CREB3L4: variants seen among roughly 807,000 people sequenced by gnomAD.
The protein encoded by CREB3L4 is cAMP responsive element binding protein 3 like 4, also known as cyclic AMP-responsive element-binding protein 3-like protein 4.
In CREB3L4, 28 loss-of-function variants were observed where a neutral mutation model predicts 37.0. The observed-to-expected ratio is 0.76, with a 90% CI of 0.56 to 1.04. The LOEUF (loss-of-function observed/expected upper bound fraction) is 1.04, where lower values mean the gene tolerates loss of function less well. CREB3L4 is among the 50% of genes least tolerant of loss of function. The pLI is 0.00. For synonymous variants in CREB3L4, 175 were observed against 192.2 expected, an observed-to-expected ratio of 0.91 and a Z score of 0.74; for missense variants, 462 against 486.0, an observed-to-expected ratio of 0.95 and a Z score of 0.46.
chr1:153,970,739 CTTTTTTT>C (rs35553007), intron 4 of CREB3L4, among the ~76,000 whole-genome samples: 2 of 87,152 alleles, frequency 2.3e-5, no homozygotes, highest in African/African-American at 4.5e-5. Flanking sequence ...ATCTTAGAAT[CTTTTTTT>C]TTTTTTTTTT....
intron 4 of CREB3L4, among the ~76,000 whole-genome samples, chr1:153,971,820 C>G (rs1648404664): frequency 1.3e-5 from 2 of 151,956 alleles, no homozygotes; most frequent in African/African-American, 4.8e-5. Flanking sequence ...CAAAATGAAG[C>G]ATACATCTTT....
At chr1:153,972,104 T>C (rs370738279) in intron 4 of CREB3L4, among the ~76,000 whole-genome samples, 5 of 152,330 alleles carry the variant, frequency 3.3e-5, no homozygotes, top group African/African-American at 9.6e-5. Context: ...ATTACAGGTG[T>C]GAGCCACTGT....
chr1:153,972,738 C>T lies in CREB3L4; in HGVS notation c.544-6C>T. The stretch of plus-strand genomic sequence containing the variant: ...CTATTGCATCTTCTCCTGCCCCTAC[C>T]CCCAGCTGCCCTGTCAAACCCTGTT... On this transcript the variant is annotated splice_region_variant and splice_polypyrimidine_tract_variant and intron_variant, in intron 4 of 9. Coordinates refer to ENST00000368607, the MANE Select transcript of CREB3L4 (RefSeq NM_001255978.2). 2 of 1,612,508 alleles carry T rather than the reference C, an allele frequency of 1.2e-6. No homozygotes were observed. Among genetic ancestry groups the T allele is most frequent in the Non-Finnish European group, 8.5e-7 (1 of 1,179,284 alleles).
intron 4 of CREB3L4, among the ~76,000 whole-genome samples, chr1:153,970,783 T>C (rs1648292898): frequency 7.0e-6 from 1 of 143,744 alleles, no homozygotes; most frequent in Non-Finnish European, 1.5e-5. Flanking sequence ...TCTCGCTCTG[T>C]CACCAGACTG....
chr1:153,973,956 C>G lies in CREB3L4; in HGVS notation c.1079C>G (p.Pro360Arg). 1 of 1,614,168 alleles carries G rather than the reference C, an allele frequency of 6.2e-7. No individual in the cohort carries two copies. Among genetic ancestry groups the G allele is most frequent in the Non-Finnish European group, 8.5e-7 (1 of 1,180,020 alleles). Reference protein sequence around the residue: ...QVVESRLREPPGAKDANGSTR... With the variant: ...QVVESRLREPRGAKDANGSTR... ...GTAGAGTCCAGACTGAGGGAGCCAC[C>G]TGGAGCCAAGGATGCAAATGGCTCA... is the stretch of plus-strand genomic sequence containing the variant. Residue 360 changes from proline to arginine, a missense_variant, in exon 10 of 10, where the codon CCT (proline) becomes CGT (arginine). Coordinates refer to ENST00000368607, the MANE Select transcript of CREB3L4 (RefSeq NM_001255978.2).
chr1:153,973,276 ATT>A lies in CREB3L4; in HGVS notation c.812+14_812+15del. 5.0e-6 allele frequency: 8 copies of A among 1,613,900 alleles called. No homozygotes were observed. Among genetic ancestry groups the A allele is most frequent in the Non-Finnish European group, 6.8e-6 (8 of 1,179,814 alleles). On this transcript the variant is annotated intron_variant, in intron 7 of 9. Transcript: ENST00000368607. ...AGAGGCACAACATGTGAGTGAAAGC[ATT>A]GTGTGTGTATGTGTGTTTTGAAGGC... is the stretch of plus-strand genomic sequence containing the variant.
At chr1:153,969,926 ATTTTTTTT>A (rs982207975) in intron 4 of CREB3L4, among the ~76,000 whole-genome samples, 1 of 117,884 alleles carries the variant, frequency 8.5e-6, no homozygotes, top group Non-Finnish European at 1.7e-5. Context: ...AACATGAACA[ATTTTTTTT>A]TTTTTTTTTT....
chr1:153,974,134 C>T lies in CREB3L4; in HGVS notation c.*69C>T. 6.8e-7 allele frequency: 1 copy of T among 1,467,138 alleles called. No homozygotes were observed. 90.9% of individuals were successfully genotyped at this position (1,467,138 alleles called of 1,614,324 possible). On this transcript the variant is annotated 3_prime_UTR_variant, in exon 10 of 10. Coordinates refer to ENST00000368607, the MANE Select transcript of CREB3L4 (RefSeq NM_001255978.2). ...CCTGGGCTTCCTTATGGCTTTGCTT[C>T]CCACTGGGATTCCTACTTAGGTGTC... is the stretch of plus-strand genomic sequence containing the variant.
rs1262635092 is a variant in CREB3L4 at position 153,968,510 on chromosome 1, GC to G, written c.-4-10del. 1 of 1,609,398 alleles carries G rather than the reference GC, an allele frequency of 6.2e-7. No individual in the cohort carries two copies. The highest frequency in any genetic ancestry group is 8.5e-7 in the Non-Finnish European group (1 of 1,177,072). On this transcript the variant is annotated splice_polypyrimidine_tract_variant and intron_variant, in intron 1 of 9. Coordinates refer to ENST00000368607, the MANE Select transcript of CREB3L4 (RefSeq NM_001255978.2). ...GTTTCTGCAACCCTCCGTCCCACACGCCTTCCTGCAGAAGCATGGATCTCGG... is the reference window on the plus strand; with the variant it reads ...GTTTCTGCAACCCTCCGTCCCACACGCTTCCTGCAGAAGCATGGATCTCGG...
chr1:153,972,770 C>T lies in CREB3L4; in HGVS notation c.570C>T (p.Thr190=), dbSNP rs369050294. 5.0e-5 allele frequency: 81 copies of T among 1,613,788 alleles called. No individual in the cohort carries two copies. The highest frequency in any genetic ancestry group is 1.1e-4 in the South Asian group (10 of 91,054). ...TGCCCTGTCAAACCCTGTTCCTGACCGATGAGGAGAAGCGTCTGCTGGGGC... is the reference window on the plus strand; with the variant it reads ...TGCCCTGTCAAACCCTGTTCCTGACTGATGAGGAGAAGCGTCTGCTGGGGC... ...TLLPCQTLFL[T]DEEKRLLGQE... Residue 190 remains threonine (T), a synonymous_variant, in exon 5 of 10, where the codon ACC becomes ACT. Transcript: ENST00000368607.
Position 153,968,909 on chromosome 1 carries a change from TATA to T in CREB3L4, c.175-19_175-17del. On this transcript the variant is annotated intron_variant, in intron 2 of 9. Coordinates refer to ENST00000368607, the MANE Select transcript of CREB3L4 (RefSeq NM_001255978.2). ...TCCAAAATTCTTCCCTGCACATATA[TATA>T]ACCTTTTCCTACTGTAGGGCCTTCA... is the stretch of plus-strand genomic sequence containing the variant. 1 of 1,588,986 alleles carries T rather than the reference TATA, an allele frequency of 6.3e-7. No individual in the cohort carries two copies. Among genetic ancestry groups the T allele is most frequent in the Non-Finnish European group, 8.6e-7 (1 of 1,167,774 alleles).
intron 4 of CREB3L4, 52 bp downstream of exon 4, chr1:153,969,507 CACAG>C: frequency 6.3e-7 from 1 of 1,596,436 alleles, no homozygotes; most frequent in Non-Finnish European, 8.6e-7. Context: ...TATATAATCA[CACAG>C]ACAGAGCAAA....
chr1:153,971,653 T>C (rs1648393896), intron 4 of CREB3L4, among the ~76,000 whole-genome samples: 1 of 151,074 alleles, frequency 6.6e-6, no homozygotes, highest in Admixed American at 6.6e-5. Flanking sequence ...TTCAGTGATT[T>C]TGATTAGGTG....
intron 5 of CREB3L4, 51 bp from the exon 6 acceptor site, chr1:153,972,921 G>T (rs748566023): frequency 1.2e-6 from 2 of 1,601,542 alleles, no homozygotes; most frequent in Non-Finnish European, 8.6e-7. Flanking sequence ...AAGCATTGGG[G>T]AGTTGGGGGC....
chr1:153,973,526 C>A, intron 8 of CREB3L4, 62 bp downstream of exon 8: 1 of 1,572,242 alleles, frequency 6.4e-7, no homozygotes, highest in Non-Finnish European at 8.8e-7. Context: ...CCCGACTACC[C>A]GGCCAGATCT....
At chr1:153,967,496 G>T (rs1161732367), upstream of CREB3L4, 1 of 152,138 alleles carries the variant, frequency 6.6e-6, no homozygotes, top group Non-Finnish European at 1.5e-5. Context: ...TGACAAATAA[G>T]TCCCGCCGGC....
At position 153,969,001 on chromosome 1, in the gene CREB3L4, A is replaced by G; in HGVS notation, c.246A>G (p.Glu82=). ...ATCCCAATGAGGTGTACTGCTCAGA[A>G]GCATCTCCTGGCAGTGACAGTGGCA... ...FIDPNEVYCS[E]ASPGSDSGIS... is the part of the protein sequence containing the mutation. The change falls in exon 3 of 10, where the codon GAA becomes GAG. Residue 82 remains glutamate, a synonymous_variant. Transcript: ENST00000368607. 1 of 1,614,166 alleles carries G rather than the reference A, an allele frequency of 6.2e-7. No homozygotes were observed. Among genetic ancestry groups the G allele is most frequent in the East Asian group, 2.2e-5 (1 of 44,888 alleles).
At chr1:153,968,501 G>A in intron 1 of CREB3L4, 21 bp from the exon 2 acceptor site, 1 of 1,607,386 alleles carries the variant, frequency 6.2e-7, no homozygotes, top group Non-Finnish European at 8.5e-7. Flanking sequence ...GCAACCCTCC[G>A]TCCCACACGC....
chr1:153,971,166 G>C (rs984222285), intron 4 of CREB3L4, among the ~76,000 whole-genome samples: 2 of 147,962 alleles, frequency 1.4e-5, no homozygotes. Context: ...TCAGGAGTTC[G>C]AGACCAGCCT....
Sources: gnomAD v4.1 joint callset for allele counts (sites outside exome capture counted in the v4.1 genomes callset) on GRCh38, gnomAD v4.1.1 for gene constraint, MANE v1.5 for transcripts, NCBI Gene and HGNC (gene_info 2026-07-23, HGNC 2026-07-21) for gene names.